Variants in DOCK9 observed in about 807,000 individuals in gnomAD.
The protein encoded by DOCK9 is dedicator of cytokinesis protein 9.
A neutral mutation model predicts 263.3 loss-of-function variants in DOCK9; 89 were observed. The ratio of observed to expected loss-of-function variants is 0.34; its 90% CI spans 0.28 to 0.40. The LOEUF (loss-of-function observed/expected upper bound fraction) is 0.40. Ranked by LOEUF, DOCK9 falls within the 10% of genes least tolerant of loss-of-function variation. DOCK9 has a pLI of 1.00. For synonymous variants in DOCK9, 976 were observed against 973.1 expected (o/e 1.00, Z -0.06); for missense variants, 2,140 against 2,603.4 (o/e 0.82, Z 3.87).
chr13:98,811,659 C>T (rs2140280843), intron 45 of DOCK9, among the ~76,000 whole-genome samples: 1 of 152,332 alleles, frequency 6.6e-6, no homozygotes, highest in Middle Eastern at 3.4e-3. Context: ...TGATTAGCCT[C>T]AGCCTCCAAA....
chr13:98,962,932 A>G (rs1053366421), intron 1 of DOCK9, among the ~76,000 whole-genome samples: 9 of 151,808 alleles, frequency 5.9e-5, no homozygotes, highest in African/African-American at 2.2e-4. Context: ...GGGCAGCTCC[A>G]TGACAGCAGC....
Position 99,082,284 on chromosome 13 carries a change from G to A in DOCK9, c.129+3939C>T, listed in dbSNP as rs146078693. On this transcript the variant is annotated intron_variant, in intron 1 of 32. Transcript: ENST00000427887. ...TGTAATCCTAGCACTTTGGGAGGCCGAGGTGGGCGGATCACCTGAGGTGAG... is the reference window on the plus strand; with the variant it reads ...TGTAATCCTAGCACTTTGGGAGGCCAAGGTGGGCGGATCACCTGAGGTGAG... 6.7e-3 allele frequency among the ~76,000 whole-genome samples: 1,020 copies of A among 151,894 alleles called. 20 individuals carry two copies. Among genetic ancestry groups the A allele is most frequent in the East Asian group, 0.039 (199 of 5,146 alleles).
Position 98,829,719 on chromosome 13 carries a change from A to G in DOCK9, c.4673T>C (p.Val1558Ala), listed in dbSNP as rs1257436474. The G allele has an allele frequency of 6.2e-7, 1 of 1,610,360 alleles. No individual in the cohort carries two copies. The highest frequency in any genetic ancestry group is 8.5e-7 in the Non-Finnish European group (1 of 1,178,380). Residue 1558 changes from valine to alanine, a missense_variant, in exon 42 of 53, where the codon GTT (valine) becomes GCT (alanine). Val to Ala is a moderately conservative substitution (Grantham distance 64). Transcript: ENST00000682017. This position sits in a 1 kb window ranked among gnomAD's most constrained non-coding sequence, Gnocchi z 4.1. ...CTGGAATCTGGTTCCCCCAATGCCA[A>G]CAACGTCTGCTATCAGCTGGCTGAC... ...ISVSQLIADVVGIGGTRFQQS... is the reference protein window; with the variant it reads ...ISVSQLIADVAGIGGTRFQQS...
chr13:99,011,452 C>T (rs7326550), intron 1 of DOCK9, among the ~76,000 whole-genome samples: 79,374 of 151,954 alleles, frequency 0.52, 21,018 homozygotes, highest in South Asian at 0.68. Flanking sequence ...CTGGGATCAG[C>T]TACATGAACC....
intron 1 of DOCK9, among the ~76,000 whole-genome samples, chr13:98,984,265 A>G (rs1877927911): frequency 6.6e-6 from 1 of 152,188 alleles, no homozygotes; most frequent in African/African-American, 2.4e-5. Flanking sequence ...GGGTAACAAC[A>G]GGAATTTAAA....
chr13:99,073,699 A>G (rs894219836), intron 1 of DOCK9, among the ~76,000 whole-genome samples: 1 of 152,150 alleles, frequency 6.6e-6, no homozygotes, highest in Non-Finnish European at 1.5e-5. Context: ...CCTGCCTTCA[A>G]TCCTGGTGTT....
At chr13:99,010,528 G>A (rs867688728) in intron 1 of DOCK9, among the ~76,000 whole-genome samples, 4 of 152,262 alleles carry the variant, frequency 2.6e-5, no homozygotes, top group Middle Eastern at 3.4e-3. Flanking sequence ...AAGCAATCAA[G>A]ACTGCTTCCT....
At chr13:98,974,212 G>T (rs1282737944) in intron 1 of DOCK9, among the ~76,000 whole-genome samples, 4 of 152,130 alleles carry the variant, frequency 2.6e-5, no homozygotes, top group Non-Finnish European at 5.9e-5. Flanking sequence ...TGTGAGCAGG[G>T]AAACTAACAT....
chr13:99,007,634 A>G (rs1392718126), intron 1 of DOCK9, among the ~76,000 whole-genome samples: 1 of 152,114 alleles, frequency 6.6e-6, no homozygotes, highest in Non-Finnish European at 1.5e-5. Flanking sequence ...AGCCCCCACA[A>G]TGGAACATTT....
intron 1 of DOCK9, among the ~76,000 whole-genome samples, chr13:98,967,243 G>A (rs546321506): frequency 3.9e-5 from 6 of 152,352 alleles, no homozygotes; most frequent in East Asian, 3.9e-4. Context: ...TATTGCCAGG[G>A]TTCTACATAC....
intron 1 of DOCK9, among the ~76,000 whole-genome samples, chr13:98,965,130 T>C (rs1009345141): frequency 6.6e-6 from 1 of 151,252 alleles, no homozygotes; most frequent in Non-Finnish European, 1.5e-5. Context: ...GAGTGGCAGG[T>C]AGGGCCACAG....
chr13:99,073,937 G>A (rs765485913), intron 1 of DOCK9, among the ~76,000 whole-genome samples: 1 of 152,156 alleles, frequency 6.6e-6, no homozygotes, highest in African/African-American at 2.4e-5. Flanking sequence ...ATCCTTTGCT[G>A]GCATTAGATT....
At chr13:99,076,201 C>A (rs771096032) in intron 1 of DOCK9, among the ~76,000 whole-genome samples, 1 of 152,166 alleles carries the variant, frequency 6.6e-6, no homozygotes, top group Non-Finnish European at 1.5e-5. Flanking sequence ...CCACGTGCTC[C>A]TTGCAAAACT....
chr13:98,988,997 TG>T (rs1304976137), intron 1 of DOCK9, among the ~76,000 whole-genome samples: 1 of 152,170 alleles, frequency 6.6e-6, no homozygotes, highest in Non-Finnish European at 1.5e-5. Flanking sequence ...TGACACACCC[TG>T]GCCCTTCCTC....
At chr13:99,041,787 G>A (rs1888485650) in intron 1 of DOCK9, among the ~76,000 whole-genome samples, 1 of 152,238 alleles carries the variant, frequency 6.6e-6, no homozygotes, top group South Asian at 2.1e-4. Context: ...TGACAACTAT[G>A]CTAATAAGAG....
At chr13:99,022,511 G>C (rs1176162429) in intron 1 of DOCK9, among the ~76,000 whole-genome samples, 4 of 152,192 alleles carry the variant, frequency 2.6e-5, no homozygotes, top group African/African-American at 9.7e-5. Context: ...CAAGTGAAAG[G>C]AAGTGGAAAC....
chr13:98,932,804 T>C (rs1387208140), intron 2 of DOCK9, among the ~76,000 whole-genome samples: 3 of 152,262 alleles, frequency 2.0e-5, no homozygotes, highest in African/African-American at 7.2e-5. Flanking sequence ...AAATGAATTC[T>C]GTTCTTCACC....
At chr13:99,052,824 C>T (rs1203469525) in intron 1 of DOCK9, among the ~76,000 whole-genome samples, 1 of 151,644 alleles carries the variant, frequency 6.6e-6, no homozygotes, top group African/African-American at 2.4e-5. Context: ...AGGCTCTTTG[C>T]CCATTTTTTA....
intron 14 of DOCK9, 97 bp from the exon 15 acceptor site, chr13:98,897,707 T>C (rs2047644658): frequency 1.3e-6 from 2 of 1,494,184 alleles, no homozygotes; most frequent in Non-Finnish European, 1.8e-6. Context: ...TAATTATTAT[T>C]CCATTGGCTA....
Sources: allele counts gnomAD v4.1 joint callset (sites outside exome capture counted in the v4.1 genomes callset), GRCh38; gene constraint gnomAD v4.1.1; non-coding constraint Gnocchi (gnomAD v3.1); transcripts MANE v1.5; gene names NCBI Gene and HGNC (gene_info 2026-07-23, HGNC 2026-07-21).